Variants in UGT1A9 observed in about 807,000 individuals in gnomAD.
UGT1A9 encodes UDP-glucuronosyltransferase 1A9.
In UGT1A9, 35 loss-of-function variants were observed where a neutral mutation model predicts 45.0. The observed-to-expected ratio is 0.78, with a 90% confidence interval of 0.59 to 1.03. The LOEUF (loss-of-function observed/expected upper bound fraction) is 1.03. UGT1A9 is among the 50% of genes least tolerant of loss of function. UGT1A9 has a pLI of 0.00. For missense variants in UGT1A9, 687 were observed against 666.6 expected (o/e 1.03, Z -0.34); for synonymous variants, 278 against 250.6 (o/e 1.11, Z -1.03).
chr2:233,722,321 T>A (rs28899187), intron 1 of UGT1A9, among the ~76,000 whole-genome samples: 12,148 of 152,290 alleles, frequency 0.08, 622 homozygotes, highest in East Asian at 0.2. Flanking sequence ...TTGGTTTGGT[T>A]GACCCTTAGA....
chr2:233,761,403 A>G (rs1379452016), intron 1 of UGT1A9, among the ~76,000 whole-genome samples: 2 of 152,210 alleles, frequency 1.3e-5, no homozygotes, highest in Non-Finnish European at 2.9e-5. Context: ...ATAGTAATCA[A>G]TTAGAAACAA....
intron 1 of UGT1A9, among the ~76,000 whole-genome samples, chr2:233,683,661 A>G (rs956582405): frequency 3.3e-5 from 5 of 152,054 alleles, no homozygotes; most frequent in Admixed American, 1.3e-4. Context: ...AAAGTATTTC[A>G]TCTTTCTTAT....
At position 233,719,508 on chromosome 2, in the gene UGT1A9, C is replaced by T. The variant is rs760142681; in HGVS notation, c.855+46719C>T. The stretch of plus-strand genomic sequence containing the variant: ...CTACATTTGCCATACTTTTTCTGCC[C>T]CTTATGCAAGTCTTGCCTCTGAGCT... On this transcript the variant is annotated intron_variant, in intron 1 of 4. Coordinates refer to ENST00000354728, the MANE Select transcript of UGT1A9 (RefSeq NM_021027.3). 7 of 1,613,820 alleles carry T rather than the reference C, an allele frequency of 4.3e-6. No homozygotes were observed. In the South Asian group the frequency reaches 5.5e-5, roughly 13 times the overall value.
At chr2:233,696,304 T>A (rs777870928) in intron 1 of UGT1A9, among the ~76,000 whole-genome samples, 2 of 152,196 alleles carry the variant, frequency 1.3e-5, no homozygotes, top group Non-Finnish European at 2.9e-5. Context: ...TCGTGAAATA[T>A]ATATTTGGTC....
intron 1 of UGT1A9, chr2:233,721,804 A>G: frequency 1.9e-6 from 1 of 514,924 alleles, no homozygotes; most frequent in South Asian, 1.4e-5. Flanking sequence ...CACATGCAGC[A>G]AAAATCCAGC....
chr2:233,698,796 G>C (rs896772598), intron 1 of UGT1A9, among the ~76,000 whole-genome samples: 1 of 152,162 alleles, frequency 6.6e-6, no homozygotes, highest in African/African-American at 2.4e-5. Context: ...GTAACCTCTG[G>C]GCTCCCAGCC....
chr2:233,751,725 C>G (rs1174648123), intron 1 of UGT1A9, among the ~76,000 whole-genome samples: 1 of 152,184 alleles, frequency 6.6e-6, no homozygotes, highest in African/African-American at 2.4e-5. Context: ...CAAGTGAACT[C>G]TTCCTCTCTG....
chr2:233,719,110 C>G, intron 1 of UGT1A9: 1 of 1,614,270 alleles, frequency 6.2e-7, no homozygotes, highest in Non-Finnish European at 8.5e-7. Flanking sequence ...CTGGGCTACA[C>G]TCAAGGGTTC....
At chr2:233,705,496 C>T (rs190154138) in intron 1 of UGT1A9, among the ~76,000 whole-genome samples, 1 of 152,074 alleles carries the variant, frequency 6.6e-6, no homozygotes. Flanking sequence ...ATAATAAATA[C>T]CTTTTTAAGA....
intron 1 of UGT1A9, among the ~76,000 whole-genome samples, chr2:233,679,169 G>A (rs1205832455): frequency 6.6e-5 from 10 of 152,164 alleles, no homozygotes; most frequent in African/African-American, 2.2e-4. Flanking sequence ...TTGGAAGCAC[G>A]TAGACCATTT....
At chr2:233,673,626 A>G (rs750330862) in intron 1 of UGT1A9, among the ~76,000 whole-genome samples, 7 of 152,196 alleles carry the variant, frequency 4.6e-5, no homozygotes, top group Non-Finnish European at 8.8e-5. Flanking sequence ...TTTTATATAC[A>G]TAAATAAAAT....
intron 1 of UGT1A9, among the ~76,000 whole-genome samples, chr2:233,686,249 AT>A (rs142649436): frequency 0.08 from 11,961 of 149,536 alleles, 627 homozygotes; most frequent in Non-Finnish European, 0.12. Flanking sequence ...GGTTTCTGAG[AT>A]TTTTTTTTTT....
chr2:233,713,012 T>A lies in UGT1A9; in HGVS notation c.855+40223T>A, dbSNP rs748010470. The A allele has an allele frequency of 6.2e-6, 10 of 1,613,498 alleles. No individual in the cohort carries two copies. In the Admixed American group the frequency reaches 1.5e-4, roughly 24 times the overall value. ...CTGAGATGGCCACAGGACTCCAGGT[T>A]CCCCTGCCGCAGCTGGCCACAGGAC... On this transcript the variant is annotated intron_variant, in intron 1 of 4. Transcript: ENST00000354728.
chr2:233,697,616 G>A (rs1238627433), intron 1 of UGT1A9, among the ~76,000 whole-genome samples: 1 of 149,658 alleles, frequency 6.7e-6, no homozygotes, highest in African/African-American at 2.5e-5. Context: ...TACAAAGTTT[G>A]AGTTTGGTTT....
chr2:233,737,830 A>T (rs1690602817), intron 1 of UGT1A9, among the ~76,000 whole-genome samples: 1 of 152,126 alleles, frequency 6.6e-6, no homozygotes, highest in South Asian at 2.1e-4. Flanking sequence ...ACAAATTGGG[A>T]ACTGTGGCAC....
intron 1 of UGT1A9, among the ~76,000 whole-genome samples, chr2:233,687,438 C>T (rs1214319120): frequency 1.3e-5 from 2 of 151,960 alleles, no homozygotes; most frequent in Non-Finnish European, 2.9e-5. Flanking sequence ...CCAGGTGCTA[C>T]CCTAAGTATT....
intron 1 of UGT1A9, among the ~76,000 whole-genome samples, chr2:233,689,008 T>C (rs1007818083): frequency 1.3e-5 from 2 of 152,220 alleles, no homozygotes. Context: ...GTCTCTTTAC[T>C]TCATAAACAT....
At chr2:233,675,790 A>G (rs962159781) in intron 1 of UGT1A9, among the ~76,000 whole-genome samples, 5 of 152,218 alleles carry the variant, frequency 3.3e-5, no homozygotes, top group Admixed American at 6.5e-5. Context: ...ATAAATTTGT[A>G]TGTTTTTAAA....
At chr2:233,676,936 T>C (rs1162328474) in intron 1 of UGT1A9, among the ~76,000 whole-genome samples, 1 of 152,248 alleles carries the variant, frequency 6.6e-6, no homozygotes, top group African/African-American at 2.4e-5. Flanking sequence ...TTGATCTATT[T>C]GTGAAATATT....
Sources: allele counts gnomAD v4.1 joint callset (sites outside exome capture counted in the v4.1 genomes callset), GRCh38; gene constraint gnomAD v4.1.1; transcripts MANE v1.5; gene names NCBI Gene and HGNC (gene_info 2026-07-23, HGNC 2026-07-21).